The following MCCC1 variants were observed in gnomAD, a reference collection of about 807,000 sequenced individuals.
MCCC1 encodes methylcrotonyl-CoA carboxylase subunit 1, also known as methylcrotonoyl-CoA carboxylase subunit alpha, mitochondrial.
MCCC1 carries 64 observed loss-of-function variants against 83.8 expected under a neutral mutation model. That is an observed-to-expected ratio of 0.76 (90% CI 0.62 to 0.94). The LOEUF is 0.94. Among genes scored for constraint, MCCC1 ranks in the 40% least tolerant of loss-of-function variants. The pLI is 0.00. For synonymous variants in MCCC1, 322 were observed against 315.4 expected, an observed-to-expected ratio of 1.02 and a Z score of -0.22; for missense variants, 807 against 904.7, an observed-to-expected ratio of 0.89 and a Z score of 1.39.
rs148590032 is a variant in MCCC1, at chr3:183,061,954, G to C, written c.762-4532C>G. On this transcript the variant is annotated intron_variant, in intron 7 of 18. Transcript: ENST00000265594. ...CCGGCGGGAGGTAACTGAATCATGG[G>C]GGCAGGTTTTTCCCGTGCTGTTCTT... is the stretch of plus-strand genomic sequence containing the variant. Among the ~76,000 whole-genome samples the C allele has an allele frequency of 7.2e-4, 110 of 152,246 alleles. 1 individual carries two copies. The highest frequency in any genetic ancestry group is 2.5e-3 in the African/African-American group (105 of 41,550).
chr3:183,095,407 T>G (rs865888574), intron 1 of MCCC1, among the ~76,000 whole-genome samples: 1 of 152,130 alleles, frequency 6.6e-6, no homozygotes. Flanking sequence ...ACATGAGACA[T>G]GTTTAAAAAG....
At position 183,077,338 on chromosome 3, in the gene MCCC1, C is replaced by T. The variant is rs73053924; in HGVS notation, c.370-4851G>A. Among the ~76,000 whole-genome samples the T allele has an allele frequency of 4.7e-3, 710 of 152,280 alleles. 4 individuals are homozygous for T. The highest frequency in any genetic ancestry group is 0.016 in the African/African-American group (675 of 41,556). ...AAAACTGTTTTCCAAAGTGGCTGCT[C>T]CAGTTTACATTCCCATCAGTAACAT... On this transcript the variant is annotated intron_variant, in intron 4 of 18. Transcript: ENST00000265594.
At chr3:183,089,528 T>C (rs780566621) in intron 3 of MCCC1, among the ~76,000 whole-genome samples, 7 of 152,052 alleles carry the variant, frequency 4.6e-5, no homozygotes, top group Admixed American at 2.0e-4. Context: ...GTAGGAGGAT[T>C]GCTTGAGCCT....
At chr3:183,105,071 G>A (rs529134126) in intron 1 of MCCC1, among the ~76,000 whole-genome samples, 3 of 152,244 alleles carry the variant, frequency 2.0e-5, no homozygotes, top group African/African-American at 4.8e-5. Context: ...CAGGCCGGGT[G>A]TGGTGGCTCA....
At chr3:183,036,920 G>C (rs192903142) in intron 13 of MCCC1, among the ~76,000 whole-genome samples, 20 of 152,026 alleles carry the variant, frequency 1.3e-4, no homozygotes, top group African/African-American at 4.8e-4. Context: ...TGATCCAGCC[G>C]CCCTGGCCTC....
chr3:183,030,954 G>A (rs537127676), intron 14 of MCCC1, among the ~76,000 whole-genome samples: 16 of 152,212 alleles, frequency 1.1e-4, no homozygotes, highest in Admixed American at 8.5e-4. Flanking sequence ...TTTAACTGGC[G>A]CGAATGCCAA....
At chr3:183,051,754 T>C (rs1405247323) in intron 9 of MCCC1, among the ~76,000 whole-genome samples, 1 of 137,344 alleles carries the variant, frequency 7.3e-6, no homozygotes, top group African/African-American at 2.7e-5. Context: ...TGTGGGAGCT[T>C]GTGTGTTGGG....
rs986452540 is a variant in MCCC1 at position 183,093,139 on chromosome 3, C to T, written c.137-594G>A. ...GAACTCCTGACCTCAGGTGATCCAC[C>T]TGCCTTGGCCTCCCGAAGTGCTGGG... On this transcript the variant is annotated intron_variant, in intron 2 of 18. Transcript: ENST00000265594. Among the ~76,000 whole-genome samples the T allele has an allele frequency of 7.2e-5, 11 of 152,166 alleles. No homozygotes were observed. The East Asian group carries it at 2.1e-3, about 29-fold the overall frequency.
intron 1 of MCCC1, among the ~76,000 whole-genome samples, chr3:183,097,227 A>G (rs1718805087): frequency 6.6e-6 from 1 of 152,022 alleles, no homozygotes; most frequent in Admixed American, 6.6e-5. Flanking sequence ...GGCCTGGGCG[A>G]CAGAGCGAGA....
intron 9 of MCCC1, among the ~76,000 whole-genome samples, chr3:183,051,464 G>C (rs537774270): frequency 1.3e-5 from 2 of 152,172 alleles, no homozygotes; most frequent in Non-Finnish European, 1.5e-5. Context: ...TTCTTGAAAA[G>C]GCAAAACTAT....
intron 3 of MCCC1, among the ~76,000 whole-genome samples, chr3:183,087,414 C>A (rs966041258): frequency 2.0e-5 from 3 of 152,136 alleles, no homozygotes; most frequent in African/African-American, 7.2e-5. Context: ...ATGTCCCTGT[C>A]TAGGGGGAGA....
chr3:183,043,050 G>T (rs989890745), intron 10 of MCCC1, among the ~76,000 whole-genome samples: 16 of 152,220 alleles, frequency 1.1e-4, no homozygotes, highest in Non-Finnish European at 2.4e-4. Context: ...AGCAATTTGG[G>T]AGGCCGAGGC....
At chr3:183,097,742 A>G (rs1368192030) in intron 1 of MCCC1, among the ~76,000 whole-genome samples, 1 of 151,994 alleles carries the variant, frequency 6.6e-6, no homozygotes, top group African/African-American at 2.4e-5. Context: ...CAACTCTAAC[A>G]CTCTCCAGAG....
At chr3:183,095,316 C>T (rs1260434229) in intron 1 of MCCC1, among the ~76,000 whole-genome samples, 1 of 151,972 alleles carries the variant, frequency 6.6e-6, no homozygotes, top group Non-Finnish European at 1.5e-5. Context: ...GAACAAAACT[C>T]TTTTGGTTCT....
chr3:183,022,110 T>C (rs1302809648), intron 16 of MCCC1, among the ~76,000 whole-genome samples: 1 of 152,122 alleles, frequency 6.6e-6, no homozygotes, highest in African/African-American at 2.4e-5. Context: ...AGCCCTGAGA[T>C]ACCACCACCC....
chr3:183,071,499 A>C, intron 5 of MCCC1, 142 bp from the exon 6 acceptor site: 1 of 1,218,140 alleles, frequency 8.2e-7, no homozygotes, highest in Non-Finnish European at 1.2e-6. Context: ...AATAATACAA[A>C]TTTAATATGT....
intron 9 of MCCC1, among the ~76,000 whole-genome samples, chr3:183,049,102 T>C (rs1215802355): frequency 1.3e-5 from 2 of 152,136 alleles, no homozygotes; most frequent in Admixed American, 6.6e-5. Context: ...CAGTGCTTAG[T>C]GGGAAATTTA....
chr3:183,102,967 T>C (rs1719342482), upstream of MCCC1, among the ~76,000 whole-genome samples: 3 of 151,224 alleles, frequency 2.0e-5, no homozygotes, highest in Admixed American at 6.6e-5. Context: ...TTTGTATTTT[T>C]AGTAGAGACG....
upstream of MCCC1, among the ~76,000 whole-genome samples, chr3:183,104,403 C>T (rs755279505): frequency 2.8e-4 from 43 of 152,294 alleles, no homozygotes; most frequent in Non-Finnish European, 4.3e-4. Context: ...CAGGCATGAG[C>T]CACTGTGCCC....
Sources: gnomAD v4.1 joint callset for allele counts (sites outside exome capture counted in the v4.1 genomes callset) on GRCh38, gnomAD v4.1.1 for gene constraint, MANE v1.5 for transcripts, NCBI Gene and HGNC (gene_info 2026-07-23, HGNC 2026-07-21) for gene names.